UEVLD: variants seen among roughly 807,000 people sequenced by gnomAD.
UEVLD encodes ubiquitin-conjugating enzyme E2 variant 3.
A neutral mutation model predicts 58.6 loss-of-function variants in UEVLD; 47 were observed. The ratio of observed to expected loss-of-function variants is 0.80; its 90% CI spans 0.63 to 1.02. The LOEUF (loss-of-function observed/expected upper bound fraction) is 1.02. Among genes scored for constraint, UEVLD ranks in the 50% least tolerant of loss-of-function variants. The pLI is 0.00. For synonymous variants in UEVLD, 197 were observed against 195.3 expected (o/e 1.01, Z -0.07); for missense variants, 510 against 550.6 (o/e 0.93, Z 0.74).
chr11:18,567,504 A>G (rs976442384), intron 4 of UEVLD, among the ~76,000 whole-genome samples: 45 of 152,368 alleles, frequency 3.0e-4, no homozygotes, highest in African/African-American at 1.0e-3. Context: ...CCAAGCAGGT[A>G]ACGTTAAATG....
chr11:18,555,765 T>C (rs979134301), intron 7 of UEVLD, among the ~76,000 whole-genome samples: 6 of 151,948 alleles, frequency 3.9e-5, no homozygotes, highest in African/African-American at 9.7e-5. Context: ...CAGGGCAACA[T>C]AGCAAGACCC....
At chr11:18,548,914 C>T (rs1416721003) in intron 7 of UEVLD, among the ~76,000 whole-genome samples, 1 of 152,166 alleles carries the variant, frequency 6.6e-6, no homozygotes, top group African/African-American at 2.4e-5. Context: ...GTAGGATTCA[C>T]AGTAGATACC....
chr11:18,567,831 ATAATG>A (rs1415652006), intron 4 of UEVLD, among the ~76,000 whole-genome samples: 3 of 152,238 alleles, frequency 2.0e-5, no homozygotes, highest in African/African-American at 7.2e-5. Flanking sequence ...GGCAATTTAA[ATAATG>A]TAATGTCTTT....
intron 9 of UEVLD, among the ~76,000 whole-genome samples, chr11:18,542,514 G>C (rs7105889): frequency 0.37 from 56,293 of 151,864 alleles, 10,988 homozygotes; most frequent in East Asian, 0.66. Flanking sequence ...AGGGTTTATT[G>C]TATAGCCTGA....
intron 5 of UEVLD, 96 bp from the exon 6 acceptor site, chr11:18,565,106 G>T: frequency 1.2e-6 from 1 of 863,078 alleles, no homozygotes; most frequent in Non-Finnish European, 1.8e-6. Context: ...ATAGCTTAGA[G>T]AGAAAATATG....
At chr11:18,534,240 T>C in intron 11 of UEVLD, 90 bp downstream of exon 11, 1 of 1,009,022 alleles carries the variant, frequency 9.9e-7, no homozygotes, top group Non-Finnish European at 1.3e-6. Flanking sequence ...TGAAGACACC[T>C]GGGGTTAGAG....
chr11:18,572,532 C>T lies in UEVLD; in HGVS notation c.194-2155G>A, dbSNP rs952898262. ...TAATAAAGGCAGACAAGGCTGGGCG[C>T]GGTGGCTCACGCCTGTAATCCCAGC... On this transcript the variant is annotated intron_variant, in intron 3 of 11. Transcript: ENST00000396197. Among the ~76,000 whole-genome samples the T allele has an allele frequency of 4.0e-5, 6 of 151,724 alleles. No homozygotes were observed. The East Asian group carries it at 5.9e-4, about 15-fold the overall frequency.
intron 4 of UEVLD, among the ~76,000 whole-genome samples, chr11:18,569,596 C>A (rs555004169): frequency 6.1e-4 from 92 of 151,568 alleles, no homozygotes; most frequent in Non-Finnish European, 6.9e-4. Flanking sequence ...AAATACAATA[C>A]GCAATATCCT....
At chr11:18,570,745 CA>C (rs559788859) in intron 3 of UEVLD, 10,936 of 67,778 alleles carry the variant, frequency 0.16, 567 homozygotes, top group East Asian at 0.29. Flanking sequence ...GACACTGTTT[CA>C]AAAAAAAAAA....
intron 3 of UEVLD, among the ~76,000 whole-genome samples, chr11:18,573,143 G>A (rs1852714733): frequency 6.6e-6 from 1 of 152,190 alleles, no homozygotes. Flanking sequence ...ATGACTGCAG[G>A]ACAGGCATAG....
At chr11:18,537,469 T>A (rs1850857478) in intron 9 of UEVLD, among the ~76,000 whole-genome samples, 1 of 151,506 alleles carries the variant, frequency 6.6e-6, no homozygotes, top group African/African-American at 2.4e-5. Context: ...TAGCTGGGAC[T>A]ACAGGCACCC....
intron 8 of UEVLD, among the ~76,000 whole-genome samples, chr11:18,545,259 G>T (rs1443739855): frequency 2.4e-4 from 37 of 151,780 alleles, no homozygotes; most frequent in Admixed American, 1.8e-3. Context: ...TTTTGGTAGA[G>T]ACGGGGTTTC....
intron 8 of UEVLD, among the ~76,000 whole-genome samples, chr11:18,545,075 T>TATATA (rs60959151): frequency 0.56 from 65,306 of 116,584 alleles, 16,436 homozygotes; most frequent in Non-Finnish European, 0.6. Flanking sequence ...TATATCTATA[T>TATATA]TTTTTTTTTT....
At position 18,544,708 on chromosome 11, in the gene UEVLD, T is replaced by C; in HGVS notation, c.975A>G (p.Arg325=). 6.3e-7 allele frequency: 1 copy of C among 1,584,798 alleles called. No individual in the cohort carries two copies. Residue 325 remains arginine (R), a synonymous_variant, in exon 9 of 12, where the codon AGA becomes AGG. Transcript: ENST00000396197. ...AAACATTTGTAATAATATACTGTAA[T>C]CTCTGTGAATCCAGATTACATCCAA... ...IGIGCNLDSQ[R]LQYIITNVLK...
intron 7 of UEVLD, among the ~76,000 whole-genome samples, chr11:18,554,485 C>A (rs1212952316): frequency 2.6e-5 from 4 of 151,544 alleles, no homozygotes; most frequent in Non-Finnish European, 5.9e-5. Context: ...CAACCTCCGC[C>A]TACCAGGTTC....
At chr11:18,543,611 T>C (rs1190433302) in intron 9 of UEVLD, among the ~76,000 whole-genome samples, 3 of 152,232 alleles carry the variant, frequency 2.0e-5, no homozygotes, top group Non-Finnish European at 4.4e-5. Flanking sequence ...ACTGTAAGTG[T>C]ATAGTACTCA....
At chr11:18,554,936 T>G (rs1851694063) in intron 7 of UEVLD, among the ~76,000 whole-genome samples, 1 of 152,242 alleles carries the variant, frequency 6.6e-6, no homozygotes, top group South Asian at 2.1e-4. Flanking sequence ...GAATTATTGA[T>G]GTACTTCGCC....
intron 1 of UEVLD, among the ~76,000 whole-genome samples, chr11:18,579,713 C>T (rs1385361726): frequency 3.3e-5 from 5 of 151,900 alleles, no homozygotes; most frequent in Admixed American, 3.3e-4. Flanking sequence ...TTCTCATCTG[C>T]AAAAATAAAT....
In UEVLD at chr11:18,537,471, C is replaced by T. The variant is rs192859695; in HGVS notation, c.1061-1002G>A. Among the ~76,000 whole-genome samples the T allele has an allele frequency of 6.8e-3, 1,028 of 151,478 alleles. 6 individuals carry two copies. Among genetic ancestry groups the T allele is most frequent in the African/African-American group, 0.024 (973 of 41,380 alleles). On this transcript the variant is annotated intron_variant, in intron 9 of 11. Transcript: ENST00000396197. ...TCAGCCTCCTGAGTAGCTGGGACTACAGGCACCCGCCACCACACCTGGCTA... is the reference window on the plus strand; with the variant it reads ...TCAGCCTCCTGAGTAGCTGGGACTATAGGCACCCGCCACCACACCTGGCTA...
Sources: allele counts gnomAD v4.1 joint callset (sites outside exome capture counted in the v4.1 genomes callset), GRCh38; gene constraint gnomAD v4.1.1; transcripts MANE v1.5; gene names NCBI Gene and HGNC (gene_info 2026-07-23, HGNC 2026-07-21).